The following DIS3L2 variants were observed in gnomAD, a reference collection of about 807,000 sequenced individuals.
The protein encoded by DIS3L2 is DIS3-like exonuclease 2.
A neutral mutation model predicts 97.5 loss-of-function variants in DIS3L2; 34 were observed. The observed-to-expected ratio is 0.35, with a 90% CI of 0.27 to 0.46. DIS3L2 has a LOEUF of 0.46. Among genes scored for constraint, DIS3L2 ranks in the 20% least tolerant of loss-of-function variants. DIS3L2 has a pLI of 1.00. For synonymous variants in DIS3L2, 435 were observed against 445.2 expected, an observed-to-expected ratio of 0.98 and a Z score of 0.29; for missense variants, 1,038 against 1,146.0, an observed-to-expected ratio of 0.91 and a Z score of 1.36.
chr2:232,272,120 C>T (rs1028219768), intron 13 of DIS3L2, among the ~76,000 whole-genome samples: 1 of 152,158 alleles, frequency 6.6e-6, no homozygotes, highest in African/African-American at 2.4e-5. Flanking sequence ...GCTTACTCTC[C>T]TTGTAGGCAA....
At chr2:232,182,731 T>G (rs1293685143) in intron 9 of DIS3L2, among the ~76,000 whole-genome samples, 1 of 152,228 alleles carries the variant, frequency 6.6e-6, no homozygotes, top group East Asian at 1.9e-4. Context: ...TTAGTTTGGC[T>G]ACTCCAGCTC....
At chr2:232,332,350 G>C (rs534130242) in intron 16 of DIS3L2, among the ~76,000 whole-genome samples, 19 of 152,302 alleles carry the variant, frequency 1.2e-4, no homozygotes, top group Middle Eastern at 3.4e-3. Flanking sequence ...GCTGCGCCCT[G>C]GATTCCAGGG....
At chr2:232,163,926 A>G (rs1333987043) in intron 9 of DIS3L2, among the ~76,000 whole-genome samples, 1 of 152,244 alleles carries the variant, frequency 6.6e-6, no homozygotes, top group Non-Finnish European at 1.5e-5. Context: ...TTCTGCGACC[A>G]TAAAGTTGCA....
chr2:231,994,435 G>A (rs757601620), intron 1 of DIS3L2, among the ~76,000 whole-genome samples: 33 of 152,010 alleles, frequency 2.2e-4, no homozygotes, highest in Admixed American at 7.9e-4. Context: ...ACTTTGCTAA[G>A]AATTATGTTA....
intron 9 of DIS3L2, among the ~76,000 whole-genome samples, chr2:232,171,123 A>G (rs924503463): frequency 2.6e-5 from 4 of 152,182 alleles, no homozygotes; most frequent in African/African-American, 9.7e-5. Flanking sequence ...AACCAGTTAA[A>G]TCTGGGGAAG....
At chr2:232,044,239 A>G (rs1695180148) in intron 5 of DIS3L2, among the ~76,000 whole-genome samples, 1 of 152,160 alleles carries the variant, frequency 6.6e-6, no homozygotes, top group Admixed American at 6.5e-5. Flanking sequence ...ATTAAATATC[A>G]TTGTGGTGGT....
At chr2:232,080,850 A>T (rs1696365403) in intron 5 of DIS3L2, among the ~76,000 whole-genome samples, 1 of 149,728 alleles carries the variant, frequency 6.7e-6, no homozygotes, top group South Asian at 2.1e-4. Context: ...GCAGTGAGCC[A>T]AGGTGGTGCC....
intron 5 of DIS3L2, among the ~76,000 whole-genome samples, chr2:232,051,595 G>A (rs1695402282): frequency 6.6e-6 from 1 of 151,576 alleles, no homozygotes; most frequent in African/African-American, 2.4e-5. Context: ...GGCGGATCAC[G>A]AGGTCAGGAG....
chr2:232,217,269 G>A (rs906049466), intron 10 of DIS3L2, among the ~76,000 whole-genome samples: 1 of 152,164 alleles, frequency 6.6e-6, no homozygotes, highest in Non-Finnish European at 1.5e-5. Flanking sequence ...GAGGGCTGAC[G>A]GAGTGGTGAA....
rs531093102 is a variant in DIS3L2, at chr2:232,176,323, A to C, written c.1124+12691A>C. 8.5e-5 allele frequency among the ~76,000 whole-genome samples: 13 copies of C among 152,234 alleles called. No individual in the cohort carries two copies. The East Asian group carries it at 2.5e-3, about 29-fold the overall frequency. On this transcript the variant is annotated intron_variant, in intron 9 of 20. Transcript: ENST00000325385. ...TATTTGCTCTTTCATTTGTTAGTTT[A>C]GTAATTTGAATCTCTCCCCCTCTCT...
At chr2:231,981,601 TATATATATATA>T (rs1693260090) in intron 1 of DIS3L2, among the ~76,000 whole-genome samples, 7 of 69,180 alleles carry the variant, frequency 1.0e-4, no homozygotes, top group African/African-American at 5.1e-4. Context: ...AAGTATTTTA[TATATATATATA>T]TATATATATA....
At chr2:231,993,763 ATTTTT>A (rs555244063) in intron 1 of DIS3L2, among the ~76,000 whole-genome samples, 1 of 135,558 alleles carries the variant, frequency 7.4e-6, no homozygotes, top group Non-Finnish European at 1.6e-5. Flanking sequence ...TTCCAACTGC[ATTTTT>A]TTTTTTTTTT....
chr2:232,335,776 C>G lies in DIS3L2; in HGVS notation c.2398C>G (p.Leu800Val). Residue 800 changes from leucine (L) to valine (V), a missense_variant, in exon 20 of 21, where the codon CTG (leucine) becomes GTG (valine). This residue lies in a region of DIS3L2 where 221 missense variants were observed against 246.9 expected (regional missense o/e 0.90). Coordinates refer to ENST00000325385, the MANE Select transcript of DIS3L2 (RefSeq NM_152383.5). Reference protein sequence around the residue: ...GVQKRIYCNALALRSHHFQKV... With the variant: ...GVQKRIYCNAVALRSHHFQKV... ...AGGCTTGGTGTTTGCACTCCAGGCA[C>G]TGGCCCTGCGGTCCCACCACTTCCA... The G allele has an allele frequency of 6.4e-7, 1 of 1,550,440 alleles. No homozygotes were observed.
At chr2:232,334,933 C>G (rs1258238728) in intron 19 of DIS3L2, 198 bp downstream of exon 19, 1 of 569,302 alleles carries the variant, frequency 1.8e-6, no homozygotes, top group East Asian at 3.0e-5. Context: ...GGCCTGGCCC[C>G]CTTCCCCAAG....
intron 9 of DIS3L2, among the ~76,000 whole-genome samples, chr2:232,172,253 AT>A (rs1691013588): frequency 6.6e-6 from 1 of 152,126 alleles, no homozygotes; most frequent in Admixed American, 6.6e-5. Context: ...ATTCCAGAAC[AT>A]TTTTGTCACC....
intron 4 of DIS3L2, among the ~76,000 whole-genome samples, chr2:232,024,711 G>C (rs1445954165): frequency 6.6e-6 from 1 of 151,764 alleles, no homozygotes. Context: ...TCTACTGCAT[G>C]AGCTAATCTG....
chr2:232,215,231 G>A (rs1039892599), intron 10 of DIS3L2, among the ~76,000 whole-genome samples: 5 of 152,086 alleles, frequency 3.3e-5, no homozygotes, highest in African/African-American at 4.8e-5. Flanking sequence ...CACATCCCTC[G>A]TGTCCATCTC....
chr2:232,249,385 T>C, intron 12 of DIS3L2, 39 bp downstream of exon 12: 1 of 1,593,094 alleles, frequency 6.3e-7, no homozygotes, highest in African/African-American at 1.3e-5. Context: ...CTTACCTCTT[T>C]TCTGTTCCAT....
chr2:232,000,337 C>T (rs1217946863), intron 1 of DIS3L2, among the ~76,000 whole-genome samples: 2 of 152,046 alleles, frequency 1.3e-5, no homozygotes, highest in African/African-American at 4.8e-5. Context: ...ACTCTAGTTG[C>T]CGTGATATAC....
Sources: allele counts gnomAD v4.1 joint callset (sites outside exome capture counted in the v4.1 genomes callset), GRCh38; gene constraint gnomAD v4.1.1; regional missense constraint gnomAD v4.1.1; transcripts MANE v1.5; gene names NCBI Gene and HGNC (gene_info 2026-07-23, HGNC 2026-07-21).